Variants in NCAM2 observed in about 807,000 individuals in gnomAD.
The protein encoded by NCAM2 is N-CAM-2.
A neutral mutation model predicts 98.1 loss-of-function variants in NCAM2; 30 were observed. The ratio of observed to expected loss-of-function variants is 0.31; its 90% CI spans 0.23 to 0.41. NCAM2 has a LOEUF of 0.41. Among genes scored for constraint, NCAM2 ranks in the 10% least tolerant of loss-of-function variants. NCAM2 has a pLI of 1.00. For synonymous variants in NCAM2, 368 were observed against 342.4 expected, an observed-to-expected ratio of 1.07 and a Z score of -0.83; for missense variants, 867 against 1,005.8, an observed-to-expected ratio of 0.86 and a Z score of 1.87.
At chr21:21,230,649 G>C (rs770452996) in intron 1 of NCAM2, among the ~76,000 whole-genome samples, 5 of 151,226 alleles carry the variant, frequency 3.3e-5, no homozygotes, top group Non-Finnish European at 1.5e-5. Context: ...CTGTCAGTAG[G>C]GTGCTTAGCC....
At chr21:21,377,244 T>C (rs943716144) in intron 9 of NCAM2, among the ~76,000 whole-genome samples, 1 of 151,782 alleles carries the variant, frequency 6.6e-6, no homozygotes, top group Non-Finnish European at 1.5e-5. Flanking sequence ...TTGACCTATG[T>C]ATACACCACT....
intron 1 of NCAM2, among the ~76,000 whole-genome samples, chr21:21,075,212 A>G (rs1205751801): frequency 6.6e-6 from 1 of 152,164 alleles, no homozygotes; most frequent in Non-Finnish European, 1.5e-5. Context: ...TGTAAGGGAT[A>G]ACATCAGGAG....
intron 1 of NCAM2, among the ~76,000 whole-genome samples, chr21:21,204,993 G>T (rs2147048598): frequency 6.6e-6 from 1 of 151,990 alleles, no homozygotes; most frequent in East Asian, 1.9e-4. Context: ...TTTAATAATG[G>T]ACTTCTGAGA....
At chr21:21,093,356 C>T (rs1055936749) in intron 1 of NCAM2, among the ~76,000 whole-genome samples, 4 of 152,018 alleles carry the variant, frequency 2.6e-5, no homozygotes, top group South Asian at 2.1e-4. Flanking sequence ...AATCCAAGAG[C>T]GAGCATGTGC....
intron 15 of NCAM2, among the ~76,000 whole-genome samples, chr21:21,499,827 T>G (rs1212030707): frequency 2.0e-5 from 3 of 152,148 alleles, no homozygotes; most frequent in Admixed American, 2.0e-4. Context: ...ACAATGAAAC[T>G]GGGAATGAAA....
intron 15 of NCAM2, among the ~76,000 whole-genome samples, chr21:21,504,750 A>G (rs1987868525): frequency 6.6e-6 from 1 of 151,648 alleles, no homozygotes; most frequent in Non-Finnish European, 1.5e-5. Flanking sequence ...TACATAGAAC[A>G]TAACTTTCAA....
chr21:21,361,265 G>A (rs866057334), intron 8 of NCAM2, among the ~76,000 whole-genome samples: 6 of 151,532 alleles, frequency 4.0e-5, no homozygotes, highest in Admixed American at 6.6e-5. Context: ...TCCTTCATAC[G>A]TATGTGTATA....
intron 1 of NCAM2, among the ~76,000 whole-genome samples, chr21:21,027,017 C>A (rs2064563514): frequency 6.6e-6 from 1 of 151,832 alleles, no homozygotes; most frequent in Non-Finnish European, 1.5e-5. Flanking sequence ...CCATTGCCAC[C>A]CGACCAATTT....
intron 1 of NCAM2, among the ~76,000 whole-genome samples, chr21:21,074,144 T>C (rs1436954440): frequency 6.6e-6 from 1 of 152,132 alleles, no homozygotes. Context: ...ACATTTAATA[T>C]CCCTTTAGAA....
At chr21:21,397,551 G>A (rs1250939780) in intron 9 of NCAM2, among the ~76,000 whole-genome samples, 1 of 152,216 alleles carries the variant, frequency 6.6e-6, no homozygotes, top group Non-Finnish European at 1.5e-5. Flanking sequence ...CACCTGGGCT[G>A]GGCCACAACT....
At chr21:21,080,865 A>G (rs975209689) in intron 1 of NCAM2, among the ~76,000 whole-genome samples, 7 of 152,102 alleles carry the variant, frequency 4.6e-5, no homozygotes, top group Non-Finnish European at 7.4e-5. Flanking sequence ...ACCAATGGGT[A>G]TAAGGCAGAA....
intron 1 of NCAM2, among the ~76,000 whole-genome samples, chr21:21,117,548 G>T (rs935788552): frequency 5.9e-5 from 9 of 152,096 alleles, no homozygotes; most frequent in African/African-American, 2.2e-4. Flanking sequence ...ATAATGCAAT[G>T]AAATGTAACA....
intron 12 of NCAM2, among the ~76,000 whole-genome samples, chr21:21,460,224 A>G (rs150978419): frequency 1.4e-4 from 22 of 151,980 alleles, no homozygotes; most frequent in African/African-American, 5.1e-4. Context: ...GAGGATTTTC[A>G]TTTACTACAA....
chr21:21,183,857 G>A (rs555868782), intron 1 of NCAM2, among the ~76,000 whole-genome samples: 148 of 149,656 alleles, frequency 9.9e-4, no homozygotes, highest in African/African-American at 3.4e-3. Flanking sequence ...GAAAAATAAC[G>A]AAAAAAAAAT....
intron 1 of NCAM2, among the ~76,000 whole-genome samples, chr21:21,126,777 T>C (rs899008116): frequency 5.3e-5 from 8 of 152,054 alleles, no homozygotes; most frequent in African/African-American, 1.9e-4. Context: ...AGCTGTAATG[T>C]TGAAAAAATC....
chr21:21,246,192 A>G (rs542582342), intron 1 of NCAM2, among the ~76,000 whole-genome samples: 1 of 152,210 alleles, frequency 6.6e-6, no homozygotes, highest in Non-Finnish European at 1.5e-5. Context: ...ATGGGAATTG[A>G]GGTTTCTTAC....
At chr21:21,045,760 T>C (rs1367287852) in intron 1 of NCAM2, among the ~76,000 whole-genome samples, 2 of 152,228 alleles carry the variant, frequency 1.3e-5, no homozygotes, top group African/African-American at 4.8e-5. Context: ...GGGAAATAAT[T>C]ATCTGAACCT....
chr21:21,014,472 CAAATGAAACAAAAAGCTGGG>C (rs1247442518), intron 1 of NCAM2, among the ~76,000 whole-genome samples: 1 of 151,002 alleles, frequency 6.6e-6, no homozygotes, highest in Non-Finnish European at 1.5e-5. Context: ...CTGTGCTCTA[CAAATGAAACAAAAAGCTGGG>C]ATGACAGCAC....
intron 1 of NCAM2, among the ~76,000 whole-genome samples, chr21:21,096,322 T>C (rs1180244782): frequency 1.3e-5 from 2 of 151,692 alleles, no homozygotes; most frequent in Non-Finnish European, 3.0e-5. Flanking sequence ...TGAAAGTGCA[T>C]ACAGACAGCC....
Sources: gnomAD v4.1 joint callset for allele counts (sites outside exome capture counted in the v4.1 genomes callset) on GRCh38, gnomAD v4.1.1 for gene constraint, MANE v1.5 for transcripts, NCBI Gene and HGNC (gene_info 2026-07-23, HGNC 2026-07-21) for gene names.